The following GRID2 variants were observed in gnomAD, a reference collection of about 807,000 sequenced individuals.
GRID2 encodes glutamate ionotropic receptor delta type subunit 2.
Under a neutral mutation model 114.8 loss-of-function variants are expected in GRID2, and 33 were observed. The ratio of observed to expected loss-of-function variants is 0.29; its 90% confidence interval spans 0.22 to 0.38. The LOEUF is 0.38. Among genes scored for constraint, GRID2 ranks in the 10% least tolerant of loss-of-function variants. GRID2 has a pLI of 1.00. For missense variants in GRID2, 1,184 were observed against 1,257.7 expected (o/e 0.94, Z 0.89); for synonymous variants, 505 against 449.9 (o/e 1.12, Z -1.55).
At chr4:92,453,497 C>T (rs550227524) in intron 1 of GRID2, among the ~76,000 whole-genome samples, 13 of 152,088 alleles carry the variant, frequency 8.5e-5, no homozygotes, top group African/African-American at 2.9e-4. Context: ...TATCAAAAAC[C>T]GATGTATATT....
At position 93,355,643 on chromosome 4, in the gene GRID2, T is replaced by TC. The variant is rs1279518317; in HGVS notation, c.1246-39963dup. On this transcript the variant is annotated intron_variant, in intron 8 of 15. Transcript: ENST00000282020. ...TGGAAAAACAAACTCCACTTCTTTA[T>TC]CAGGAGAAGTAAAAGAATGTGTGGC... 2.0e-5 allele frequency among the ~76,000 whole-genome samples: 3 copies of TC among 152,194 alleles called. No homozygotes were observed. In the East Asian group the frequency reaches 5.8e-4, roughly 29 times the overall value.
At chr4:93,238,160 G>T (rs1340016057) in intron 7 of GRID2, among the ~76,000 whole-genome samples, 8 of 151,714 alleles carry the variant, frequency 5.3e-5, no homozygotes, top group Non-Finnish European at 1.2e-4. Flanking sequence ...TATGAAAAAT[G>T]GATGAGATTG....
intron 1 of GRID2, among the ~76,000 whole-genome samples, chr4:92,343,829 C>T (rs1198210934): frequency 6.6e-6 from 1 of 152,218 alleles, no homozygotes; most frequent in Non-Finnish European, 1.5e-5. Flanking sequence ...CAGTCTTGGC[C>T]TCCCAAAGTG....
intron 8 of GRID2, among the ~76,000 whole-genome samples, chr4:93,316,320 G>GAAAGAAAA (rs1756624043): frequency 2.1e-5 from 2 of 93,058 alleles, no homozygotes; most frequent in African/African-American, 3.0e-5. Flanking sequence ...AAGAAAGAAA[G>GAAAGAAAA]AAAGAAAGAA....
At chr4:93,165,261 A>G (rs1738137100) in intron 4 of GRID2, among the ~76,000 whole-genome samples, 1 of 152,064 alleles carries the variant, frequency 6.6e-6, no homozygotes, top group South Asian at 2.1e-4. Context: ...AGAGAGAGCA[A>G]TGTCATAGTA....
chr4:93,037,086 ACT>A (rs1725000695), intron 2 of GRID2, among the ~76,000 whole-genome samples: 1 of 152,148 alleles, frequency 6.6e-6, no homozygotes, highest in Non-Finnish European at 1.5e-5. Flanking sequence ...ATGGATAGAC[ACT>A]CAAATTGTTT....
intron 2 of GRID2, among the ~76,000 whole-genome samples, chr4:92,706,668 T>C (rs1323523913): frequency 6.6e-6 from 1 of 152,164 alleles, no homozygotes; most frequent in African/African-American, 2.4e-5. Context: ...TTGTTCTGCC[T>C]CCAGGAAAAA....
At chr4:93,407,516 TC>T (rs1229612525) in intron 9 of GRID2, among the ~76,000 whole-genome samples, 6 of 152,146 alleles carry the variant, frequency 3.9e-5, no homozygotes, top group African/African-American at 1.4e-4. Context: ...CAGGTAAACT[TC>T]CAAGTATTAT....
At chr4:92,808,326 G>C (rs1740513173) in intron 2 of GRID2, among the ~76,000 whole-genome samples, 1 of 151,962 alleles carries the variant, frequency 6.6e-6, no homozygotes, top group African/African-American at 2.4e-5. Context: ...CTGGTAATTT[G>C]TTACAGAATC....
intron 2 of GRID2, among the ~76,000 whole-genome samples, chr4:92,956,244 C>T (rs905491130): frequency 4.6e-5 from 7 of 152,154 alleles, no homozygotes; most frequent in African/African-American, 1.4e-4. Flanking sequence ...CATTACCAAC[C>T]CGGGTTCACA....
At chr4:93,114,197 AG>A in intron 4 of GRID2, among the ~76,000 whole-genome samples, 1 of 152,156 alleles carries the variant, frequency 6.6e-6, no homozygotes, top group South Asian at 2.1e-4. Context: ...AAGCTCTGCC[AG>A]GGGACTACTA....
intron 2 of GRID2, among the ~76,000 whole-genome samples, chr4:92,857,073 G>A (rs1210840666): frequency 6.6e-6 from 1 of 152,136 alleles, no homozygotes; most frequent in Non-Finnish European, 1.5e-5. Context: ...CCATATGATA[G>A]CAAACTAAAT....
chr4:92,532,139 G>A (rs1021540337), intron 1 of GRID2, among the ~76,000 whole-genome samples: 5 of 151,842 alleles, frequency 3.3e-5, no homozygotes, highest in Admixed American at 2.0e-4. Context: ...CTGTTGAGTG[G>A]GATATGTTCA....
intron 8 of GRID2, among the ~76,000 whole-genome samples, chr4:93,276,397 GCT>G (rs1752063375): frequency 1.3e-5 from 2 of 151,866 alleles, no homozygotes; most frequent in African/African-American, 4.8e-5. Flanking sequence ...CTCCAGTTTT[GCT>G]CTTTTTCAGG....
At chr4:93,037,782 C>T (rs1382936664) in intron 2 of GRID2, among the ~76,000 whole-genome samples, 3 of 152,078 alleles carry the variant, frequency 2.0e-5, no homozygotes, top group Non-Finnish European at 2.9e-5. Context: ...GGCCTCTGTT[C>T]TGTTCTATTG....
At chr4:92,793,726 T>C (rs961655790) in intron 2 of GRID2, among the ~76,000 whole-genome samples, 17 of 151,872 alleles carry the variant, frequency 1.1e-4, no homozygotes, top group Non-Finnish European at 2.5e-4. Flanking sequence ...GGCTCTCTAC[T>C]TTCTCTTGGG....
chr4:92,645,928 G>A (rs1054459066), intron 2 of GRID2, among the ~76,000 whole-genome samples: 22 of 151,744 alleles, frequency 1.4e-4, no homozygotes, highest in African/African-American at 5.3e-4. Context: ...TATCTTTAGA[G>A]AAGTCATCTT....
At chr4:92,994,481 T>C (rs1331734035) in intron 2 of GRID2, among the ~76,000 whole-genome samples, 2 of 151,826 alleles carry the variant, frequency 1.3e-5, no homozygotes, top group Non-Finnish European at 2.9e-5. Context: ...GCCTCCCAAG[T>C]AGGGGAATTT....
At chr4:92,956,506 C>T (rs1478517912) in intron 2 of GRID2, among the ~76,000 whole-genome samples, 4 of 152,114 alleles carry the variant, frequency 2.6e-5, no homozygotes, top group Non-Finnish European at 5.9e-5. Context: ...CTTGATAGCT[C>T]ATTTTTTTAG....
Sources: allele counts gnomAD v4.1 joint callset (sites outside exome capture counted in the v4.1 genomes callset), GRCh38; gene constraint gnomAD v4.1.1; transcripts MANE v1.5; gene names NCBI Gene and HGNC (gene_info 2026-07-23, HGNC 2026-07-21).